CNTN4: variants seen among roughly 807,000 people sequenced by gnomAD.
The protein encoded by CNTN4 is contactin 4.
In CNTN4, 77 loss-of-function variants were observed where a neutral mutation model predicts 122.5. That is an observed-to-expected ratio of 0.63 (90% CI 0.52 to 0.76). The LOEUF (loss-of-function observed/expected upper bound fraction) is 0.76, where lower values mean the gene tolerates loss of function less well. CNTN4 is among the 30% of genes least tolerant of loss of function. CNTN4 has a pLI of 0.00. For synonymous variants in CNTN4, 512 were observed against 447.0 expected (o/e 1.15, Z -1.83); for missense variants, 1,256 against 1,259.1 (o/e 1.00, Z 0.04).
chr3:2,135,520 AACTTTAGAC>A (rs2034648169), intron 2 of CNTN4, among the ~76,000 whole-genome samples: 3 of 152,188 alleles, frequency 2.0e-5, no homozygotes, highest in African/African-American at 7.2e-5. Flanking sequence ...TGTAGTACAG[AACTTTAGAC>A]TTGTTTTTAC....
chr3:2,658,035 T>G (rs192619718), intron 4 of CNTN4, among the ~76,000 whole-genome samples: 62 of 146,722 alleles, frequency 4.2e-4, no homozygotes, highest in Non-Finnish European at 1.2e-4. Context: ...GTTTTATGAA[T>G]GACATACTAG....
intron 5 of CNTN4, among the ~76,000 whole-genome samples, chr3:2,744,865 C>CA (rs908196112): frequency 5.9e-5 from 9 of 152,124 alleles, no homozygotes; most frequent in East Asian, 3.8e-4. Flanking sequence ...GGACAAAAAA[C>CA]AAAAAACCTG....
intron 7 of CNTN4, among the ~76,000 whole-genome samples, chr3:2,865,850 AAGTT>A (rs776174043): frequency 6.6e-6 from 1 of 152,188 alleles, no homozygotes; most frequent in Admixed American, 6.6e-5. Context: ...ATTCTTATAA[AAGTT>A]AGAACTTTCA....
chr3:2,657,324 A>G (rs2083637909), intron 4 of CNTN4, among the ~76,000 whole-genome samples: 1 of 152,240 alleles, frequency 6.6e-6, no homozygotes, highest in Non-Finnish European at 1.5e-5. Context: ...AATCTGTAAC[A>G]TGAGGCTTTT....
chr3:2,469,988 T>C (rs1190183319), intron 3 of CNTN4, among the ~76,000 whole-genome samples: 1 of 152,222 alleles, frequency 6.6e-6, no homozygotes, highest in East Asian at 1.9e-4. Context: ...ATTAATTTGC[T>C]AATATAAGTA....
chr3:2,426,744 C>T (rs1342742056), intron 3 of CNTN4, among the ~76,000 whole-genome samples: 1 of 152,174 alleles, frequency 6.6e-6, no homozygotes, highest in Non-Finnish European at 1.5e-5. Flanking sequence ...GCCTCAATTT[C>T]AGTGGCTGTT....
chr3:2,855,420 T>G (rs531361991), intron 7 of CNTN4, among the ~76,000 whole-genome samples: 2 of 152,372 alleles, frequency 1.3e-5, no homozygotes, highest in African/African-American at 4.8e-5. Context: ...GAACTAATCC[T>G]TATTCTACTT....
intron 2 of CNTN4, among the ~76,000 whole-genome samples, chr3:2,197,736 C>G (rs2037912800): frequency 6.6e-6 from 1 of 152,072 alleles, no homozygotes; most frequent in Non-Finnish European, 1.5e-5. Flanking sequence ...AGAATTCTGT[C>G]CAGGCACGGT....
At chr3:2,131,032 C>G (rs934014661) in intron 2 of CNTN4, among the ~76,000 whole-genome samples, 1 of 152,156 alleles carries the variant, frequency 6.6e-6, no homozygotes, top group African/African-American at 2.4e-5. Context: ...GATTATGGAC[C>G]TGTAATATTA....
chr3:2,508,582 C>T (rs1048327252), intron 3 of CNTN4, among the ~76,000 whole-genome samples: 12 of 152,120 alleles, frequency 7.9e-5, no homozygotes, highest in Non-Finnish European at 1.6e-4. Context: ...AGCCCCATCC[C>T]CCAGGTTCTT....
At chr3:2,305,196 T>C (rs1199196635) in intron 2 of CNTN4, among the ~76,000 whole-genome samples, 1 of 152,140 alleles carries the variant, frequency 6.6e-6, no homozygotes, top group East Asian at 1.9e-4. Context: ...AAATTTCTGA[T>C]TCTACTCTGG....
chr3:2,895,087 C>T (rs999326960), intron 10 of CNTN4, among the ~76,000 whole-genome samples: 17 of 152,224 alleles, frequency 1.1e-4, no homozygotes, highest in Admixed American at 3.3e-4. Flanking sequence ...GTGATTCTCG[C>T]GCCTCAGCCT....
intron 4 of CNTN4, among the ~76,000 whole-genome samples, chr3:2,644,917 G>C (rs565218967): frequency 1.3e-5 from 2 of 150,334 alleles, no homozygotes; most frequent in African/African-American, 4.9e-5. Flanking sequence ...CAAGACACAG[G>C]CTTCATGAAT....
intron 4 of CNTN4, among the ~76,000 whole-genome samples, chr3:2,729,400 C>T (rs1011899394): frequency 1.3e-5 from 2 of 149,520 alleles, no homozygotes; most frequent in African/African-American, 5.1e-5. Context: ...AAAAAATTAG[C>T]CGGGCGTGGT....
chr3:2,282,387 A>G (rs2041749509), intron 2 of CNTN4, among the ~76,000 whole-genome samples: 1 of 152,066 alleles, frequency 6.6e-6, no homozygotes, highest in African/African-American at 2.4e-5. Context: ...TTCATTCTCT[A>G]GCAATGAGAG....
chr3:3,022,071 C>CAAAAA (rs36094888), intron 14 of CNTN4, among the ~76,000 whole-genome samples: 1 of 110,598 alleles, frequency 9.0e-6, no homozygotes, highest in Non-Finnish European at 1.8e-5. Flanking sequence ...ACCAAGAATT[C>CAAAAA]AAAAAAAAAA....
rs114413076 is a variant in CNTN4, at chr3:2,721,627, C to T, written c.56-14588C>T. On this transcript the variant is annotated intron_variant, in intron 4 of 24. Coordinates refer to ENST00000418658, the MANE Select transcript of CNTN4 (RefSeq NM_175607.3). Reference sequence around the variant, plus strand: ...AGAGAGAGAGAGAATTTGTTTGTTGCAAACACACTAAGCACCCTCTTACTG... The same window carrying T: ...AGAGAGAGAGAGAATTTGTTTGTTGTAAACACACTAAGCACCCTCTTACTG... 6.4e-3 allele frequency among the ~76,000 whole-genome samples: 980 copies of T among 152,236 alleles called. 9 individuals carry two copies. Among genetic ancestry groups the T allele is most frequent in the African/African-American group, 0.023 (938 of 41,544 alleles).
chr3:2,632,196 A>G (rs2082474432), intron 4 of CNTN4, among the ~76,000 whole-genome samples: 1 of 152,060 alleles, frequency 6.6e-6, no homozygotes, highest in Non-Finnish European at 1.5e-5. Flanking sequence ...TAATTCCCCT[A>G]GTGCTCATCT....
intron 3 of CNTN4, among the ~76,000 whole-genome samples, chr3:2,533,142 T>C (rs1021884067): frequency 1.3e-5 from 2 of 152,192 alleles, no homozygotes; most frequent in African/African-American, 4.8e-5. Context: ...TTTTTTTTTT[T>C]TTTAATTATA....
Sources: allele counts gnomAD v4.1 joint callset (sites outside exome capture counted in the v4.1 genomes callset), GRCh38; gene constraint gnomAD v4.1.1; transcripts MANE v1.5; gene names NCBI Gene and HGNC (gene_info 2026-07-23, HGNC 2026-07-21).